ATG3: variants seen among roughly 807,000 people sequenced by gnomAD.
ATG3 encodes the protein autophagy related 3.
ATG3 carries 25 observed loss-of-function variants against 50.7 expected under a neutral mutation model. The ratio of observed to expected loss-of-function variants is 0.49; its 90% CI spans 0.36 to 0.69. The LOEUF (loss-of-function observed/expected upper bound fraction) is 0.69, where lower values mean the gene tolerates loss of function less well. Ranked by LOEUF, ATG3 falls within the 30% of genes least tolerant of loss-of-function variation. The pLI is 0.00. For synonymous variants in ATG3, 119 were observed against 125.5 expected (o/e 0.95, Z 0.34); for missense variants, 281 against 376.0 (o/e 0.75, Z 2.09).
intron 11 of ATG3, chr3:112,533,085 T>C (rs923579488): frequency 2.0e-6 from 2 of 1,014,322 alleles, no homozygotes; most frequent in South Asian, 8.3e-5. Flanking sequence ...GTACAAAATG[T>C]ACTCATTTAC....
At chr3:112,556,546 C>T (rs1236671947) in intron 2 of ATG3, among the ~76,000 whole-genome samples, 2 of 152,068 alleles carry the variant, frequency 1.3e-5, no homozygotes, top group Non-Finnish European at 2.9e-5. Flanking sequence ...TCATTGAGAA[C>T]GGGCCATGAT....
chr3:112,541,343 C>G (rs1478032415), intron 7 of ATG3, among the ~76,000 whole-genome samples: 2 of 151,454 alleles, frequency 1.3e-5, no homozygotes, highest in African/African-American at 4.9e-5. Flanking sequence ...GCAGAGATCG[C>G]ACCACTGCAC....
At chr3:112,560,005 A>G (rs190205547) in intron 1 of ATG3, among the ~76,000 whole-genome samples, 56 of 152,310 alleles carry the variant, frequency 3.7e-4, no homozygotes, top group Admixed American at 7.8e-4. Flanking sequence ...TATCAAGGAG[A>G]CGGTCATTCA....
Position 112,561,697 on chromosome 3 carries a change from G to T in ATG3, c.-169C>A. ...GACGGGACGGGCGGGACGAGGGGGC[G>T]GGGCGGCAGGCACAGCGCGCGAAGA... On this transcript the variant is annotated 5_prime_UTR_variant, in exon 1 of 12. Transcript: ENST00000283290. The T allele has an allele frequency of 3.0e-6, 2 of 661,230 alleles. No individual in the cohort carries two copies. Among genetic ancestry groups the T allele is most frequent in the Non-Finnish European group, 4.9e-6 (2 of 405,298 alleles). 41.0% of individuals were successfully genotyped at this position (661,230 alleles called of 1,614,324 possible).
rs375238137 is a variant in ATG3, at chr3:112,561,579, G to C, written c.-51C>G. ...CCGCGACGGGATGGAAAGTGCAGCC[G>C]TGTCAGGGGCCAGGGAGTCAGAAAA... On this transcript the variant is annotated 5_prime_UTR_variant, in exon 1 of 12. Transcript: ENST00000283290. 432 of 1,567,364 alleles carry C rather than the reference G, an allele frequency of 2.8e-4. 2 individuals are homozygous for C. The African/African-American group carries it at 5.5e-3, about 20-fold the overall frequency.
At chr3:112,540,760 G>GA (rs931401680) in intron 7 of ATG3, among the ~76,000 whole-genome samples, 16 of 146,330 alleles carry the variant, frequency 1.1e-4, no homozygotes, top group South Asian at 4.3e-4. Context: ...AACCAAGAGA[G>GA]AAAAAAAAAA....
At chr3:112,545,053 G>C (rs1281182590) in intron 5 of ATG3, among the ~76,000 whole-genome samples, 1 of 152,154 alleles carries the variant, frequency 6.6e-6, no homozygotes, top group Non-Finnish European at 1.5e-5. Flanking sequence ...TTTATATGTG[G>C]CTTTCTACTA....
At chr3:112,533,537 C>T (rs1185337925) in intron 11 of ATG3, 8 of 985,040 alleles carry the variant, frequency 8.1e-6, no homozygotes, top group Admixed American at 6.2e-5. Context: ...TCTGATTAGA[C>T]GTGGCATCTT....
At chr3:112,537,975 AT>A (rs1933118855) in intron 8 of ATG3, 85 bp from the exon 9 acceptor site, 1 of 1,376,272 alleles carries the variant, frequency 7.3e-7, no homozygotes. Context: ...TCCATTCTAT[AT>A]TTTGTTTTCT....
intron 11 of ATG3, chr3:112,533,448 G>A: frequency 1.0e-6 from 1 of 985,180 alleles, no homozygotes; most frequent in Non-Finnish European, 1.2e-6. Flanking sequence ...GGTTTGGACT[G>A]GAAGTTTTTG....
intron 2 of ATG3, among the ~76,000 whole-genome samples, 190 bp from the exon 3 acceptor site, chr3:112,553,519 C>T (rs892337827): frequency 6.6e-6 from 1 of 152,090 alleles, no homozygotes; most frequent in Non-Finnish European, 1.5e-5. Context: ...GACTAAACTG[C>T]AATGTTTTCT....
chr3:112,550,134 G>A, intron 4 of ATG3, 58 bp downstream of exon 4: 5 of 1,258,482 alleles, frequency 4.0e-6, no homozygotes, highest in Non-Finnish European at 5.6e-6. Flanking sequence ...AAAACCGAGA[G>A]CTTCATTTTA....
chr3:112,536,110 G>T, intron 10 of ATG3: 1 of 208,262 alleles, frequency 4.8e-6, no homozygotes, highest in South Asian at 7.5e-5. Context: ...TACATTCACA[G>T]AAAGGCAGTC....
intron 3 of ATG3, among the ~76,000 whole-genome samples, chr3:112,551,208 G>T (rs76530632): frequency 0.011 from 1,653 of 152,290 alleles, 28 homozygotes; most frequent in African/African-American, 0.037. Flanking sequence ...TCAGTCTAAA[G>T]TTCAAACCAT....
intron 1 of ATG3, among the ~76,000 whole-genome samples, chr3:112,560,683 G>A (rs550698199): frequency 6.6e-6 from 1 of 151,832 alleles, no homozygotes; most frequent in South Asian, 2.1e-4. Flanking sequence ...CTCCAAAAGA[G>A]TTATAAAAGA....
chr3:112,557,494 T>C (rs894698699), intron 2 of ATG3, among the ~76,000 whole-genome samples: 4 of 152,178 alleles, frequency 2.6e-5, no homozygotes, highest in Non-Finnish European at 5.9e-5. Flanking sequence ...GGCGCTCACC[T>C]GTATTCCCAG....
rs946171712 is a variant in ATG3 at position 112,538,425 on chromosome 3, T to C, written c.476-245A>G. The C allele has an allele frequency of 1.7e-5, 7 of 410,272 alleles. No individual in the cohort carries two copies. In the Admixed American group the frequency reaches 1.8e-4, roughly 10 times the overall value. The allele number at this position is 410,272 out of a possible 1,614,324, so 25.4% of individuals were successfully genotyped here. A position where few individuals can be genotyped will look rare whatever the true frequency, so the allele number is the denominator to read the frequency against. ...TGTAGAGTCCTCAGTGGCTCCACAG[T>C]GTACACAAGCCTACTTCTGTAACTG... On this transcript the variant is annotated intron_variant, in intron 7 of 11. Coordinates refer to ENST00000283290, the MANE Select transcript of ATG3 (RefSeq NM_022488.5).
intron 10 of ATG3, 112 bp from the exon 11 acceptor site, chr3:112,534,449 T>C (rs911849674): frequency 5.8e-6 from 4 of 686,164 alleles, no homozygotes; most frequent in Non-Finnish European, 8.6e-6. Context: ...TGAATTAATT[T>C]TTAATAGTTA....
At chr3:112,542,417 G>A (rs918920190) in intron 6 of ATG3, among the ~76,000 whole-genome samples, 1 of 152,064 alleles carries the variant, frequency 6.6e-6, no homozygotes, top group African/African-American at 2.4e-5. Context: ...TAAAGTGAAA[G>A]AATATTGATG....
Sources: gnomAD v4.1 joint callset for allele counts (sites outside exome capture counted in the v4.1 genomes callset) on GRCh38, gnomAD v4.1.1 for gene constraint, MANE v1.5 for transcripts, NCBI Gene and HGNC (gene_info 2026-07-23, HGNC 2026-07-21) for gene names.